Variants in DSG1 observed in about 807,000 individuals in gnomAD.
DSG1 encodes desmoglein-1.
A neutral mutation model predicts 97.5 loss-of-function variants in DSG1; 39 were observed. The observed-to-expected ratio is 0.40, with a 90% confidence interval of 0.31 to 0.52. The LOEUF (loss-of-function observed/expected upper bound fraction) is 0.52, where lower values mean the gene tolerates loss of function less well. DSG1 is among the 20% of genes least tolerant of loss of function. The pLI is 0.53. For missense variants in DSG1, 1,311 were observed against 1,295.4 expected (o/e 1.01, Z -0.18); for synonymous variants, 475 against 443.4 (o/e 1.07, Z -0.90).
chr18:31,354,000 A>G, intron 14 of DSG1: 1 of 350,502 alleles, frequency 2.9e-6, no homozygotes, highest in Admixed American at 4.4e-5. Context: ...CCTCCTCGAA[A>G]CCAATTCATG....
chr18:31,332,539 G>A (rs571313024), intron 6 of DSG1, among the ~76,000 whole-genome samples: 1 of 152,012 alleles, frequency 6.6e-6, no homozygotes, highest in South Asian at 2.1e-4. Context: ...GTGATTTTAT[G>A]ATTTAGTTTT....
rs1321557793 is a variant in DSG1, at chr18:31,353,282, G to A, written c.2101-1015G>A. Among the ~76,000 whole-genome samples the A allele has an allele frequency of 5.3e-5, 8 of 151,166 alleles. 1 individual carries two copies. The South Asian group carries it at 1.1e-3, about 20-fold the overall frequency. On this transcript the variant is annotated intron_variant, in intron 14 of 14. Transcript: ENST00000257192. ...GGGGTGCCTCCCAGTTAGGCTGCTC[G>A]GGGGTCAGGGGTCAGGGACCCACTT...
At chr18:31,345,934 C>G (rs1379673940) in intron 13 of DSG1, 56 bp from the exon 14 acceptor site, 1 of 1,430,592 alleles carries the variant, frequency 7.0e-7, no homozygotes, top group Non-Finnish European at 9.8e-7. Flanking sequence ...CAAGTTGTTA[C>G]TTTTTAGTTT....
At chr18:31,323,171 CTCAG>C (rs1282845880) in intron 1 of DSG1, among the ~76,000 whole-genome samples, 1 of 152,224 alleles carries the variant, frequency 6.6e-6, no homozygotes, top group African/African-American at 2.4e-5. Context: ...CTGAGATATA[CTCAG>C]TCAGCCTGAT....
intron 6 of DSG1, among the ~76,000 whole-genome samples, chr18:31,332,570 A>AT (rs149727989): frequency 0.057 from 8,620 of 152,164 alleles, 377 homozygotes; most frequent in South Asian, 0.13. Context: ...CTTTTTCATT[A>AT]TTTAAAAAAA....
intron 9 of DSG1, among the ~76,000 whole-genome samples, chr18:31,337,571 G>A (rs1309860267): frequency 6.6e-6 from 1 of 152,092 alleles, no homozygotes; most frequent in Non-Finnish European, 1.5e-5. Flanking sequence ...TGTTTTATAA[G>A]TTCTTTCTTG....
chr18:31,338,232 C>G, intron 9 of DSG1, 83 bp from the exon 10 acceptor site: 1 of 1,399,762 alleles, frequency 7.1e-7, no homozygotes, highest in Non-Finnish European at 9.8e-7. Flanking sequence ...TAATTACTCA[C>G]TGAAAAAAAC....
At chr18:31,336,946 G>A (rs529245299) in intron 9 of DSG1, among the ~76,000 whole-genome samples, 2 of 152,276 alleles carry the variant, frequency 1.3e-5, no homozygotes, top group African/African-American at 4.8e-5. Context: ...TTTAAGGAAT[G>A]ATTTTCCGAT....
rs760302802 is a variant in DSG1 at position 31,355,340 on chromosome 18, C to A, written c.3144C>A (p.Ser1048Arg). The A allele has an allele frequency of 1.9e-6, 3 of 1,613,980 alleles. No individual in the cohort carries two copies. In the African/African-American group the frequency reaches 4.0e-5, roughly 22 times the overall value. The stretch of plus-strand genomic sequence containing the variant: ...CAAAGTATAGTACCGTGCAATATAG[C>A]AAGTAGTCAGGACCCCAGCTCACTT... ...RITKYSTVQYSK is the reference protein window; with the variant it reads ...RITKYSTVQYRK The change falls in exon 15 of 15, where the codon AGC (serine) becomes AGA (arginine). Residue 1048 changes from serine to arginine, a missense_variant. By Grantham distance (110) the Ser-to-Arg change is moderately radical. Coordinates refer to ENST00000257192, the MANE Select transcript of DSG1 (RefSeq NM_001942.4).
At position 31,355,174 on chromosome 18, in the gene DSG1, G is replaced by A; in HGVS notation, c.2978G>A (p.Gly993Glu). The A allele has an allele frequency of 6.2e-7, 1 of 1,605,072 alleles. No individual in the cohort carries two copies. The highest frequency in any genetic ancestry group is 1.3e-5 in the African/African-American group (1 of 74,906). The change falls in exon 15 of 15, where the codon GGA (glycine) becomes GAA (glutamate). Residue 993 changes from glycine (G) to glutamate (E), a missense_variant. Transcript: ENST00000257192. Reference protein sequence around the residue: ...SMGAGSGALSGAGISGGGIGL... With the variant: ...SMGAGSGALSEAGISGGGIGL... ...GGTGCTGGGAGCGGTGCCCTGAGTG[G>A]AGCTGGCATAAGTGGTGGTGGCATT...
intron 11 of DSG1, 140 bp from the exon 12 acceptor site, chr18:31,343,310 C>A: frequency 1.7e-6 from 2 of 1,207,460 alleles, no homozygotes; most frequent in Non-Finnish European, 2.4e-6. Context: ...CATCATTCAG[C>A]TTGTATTCTG....
chr18:31,331,826 A>G lies in DSG1; in HGVS notation c.643A>G (p.Thr215Ala). The G allele has an allele frequency of 6.2e-7, 1 of 1,612,764 alleles. No individual in the cohort carries two copies. Among genetic ancestry groups the G allele is most frequent in the Non-Finnish European group, 8.5e-7 (1 of 1,179,044 alleles). The change falls in exon 6 of 15, where the codon ACT becomes GCT. Residue 215 changes from threonine (T) to alanine (A), a missense_variant. Physicochemically the swap from Thr to Ala is moderately conservative, Grantham distance 58 (BLOSUM62 0). Around this residue, in one of 3 missense-constraint regions of DSG1, gnomAD observed 259 missense variants for 304.1 expected, o/e 0.85. Coordinates refer to ENST00000257192, the MANE Select transcript of DSG1 (RefSeq NM_001942.4). ...ACCAATGTTTATTATCAACAGAAAT[A>G]CTGGAGAAATTCGAACGATGAATAA... Reference protein sequence around the residue: ...DSPMFIINRNTGEIRTMNNFL... With the variant: ...DSPMFIINRNAGEIRTMNNFL...
At chr18:31,327,098 C>A in intron 3 of DSG1, 93 bp downstream of exon 3, 1 of 1,495,560 alleles carries the variant, frequency 6.7e-7, no homozygotes, top group Non-Finnish European at 9.3e-7. Flanking sequence ...ACATGTCTCA[C>A]CGAGAAGCTA....
chr18:31,347,810 A>G (rs546161693), intron 14 of DSG1: 7 of 152,180 alleles, frequency 4.6e-5, no homozygotes, highest in South Asian at 2.1e-4. Flanking sequence ...GAATCATCAT[A>G]TTCACTCCAT....
At chr18:31,338,292 G>A (rs199541994) in intron 9 of DSG1, 23 bp from the exon 10 acceptor site, 49 of 1,611,296 alleles carry the variant, frequency 3.0e-5, no homozygotes, top group Admixed American at 1.7e-4. Flanking sequence ...ACATTAATTT[G>A]TATCATTTTC....
rs191137855 is a variant in DSG1, at chr18:31,358,829, G to A, written c.*3483G>A. Among the ~76,000 whole-genome samples the A allele has an allele frequency of 3.3e-5, 5 of 152,070 alleles. No homozygotes were observed. The highest frequency in any genetic ancestry group is 5.9e-5 in the Non-Finnish European group (4 of 67,940). ...TTGCACTAGGATACAGCAGTCCACA[G>A]TAGAGTGCTACTCTCCTTGAAATCA... On this transcript the variant is annotated 3_prime_UTR_variant, in exon 15 of 15. Coordinates refer to ENST00000257192, the MANE Select transcript of DSG1 (RefSeq NM_001942.4).
chr18:31,326,083 CATAA>C (rs547611246), intron 1 of DSG1, among the ~76,000 whole-genome samples: 30 of 151,970 alleles, frequency 2.0e-4, no homozygotes, highest in Admixed American at 1.8e-3. Flanking sequence ...TCATATTGAT[CATAA>C]ATACTTATTT....
intron 6 of DSG1, among the ~76,000 whole-genome samples, chr18:31,333,337 T>G (rs1360806946): frequency 6.6e-6 from 1 of 152,198 alleles, no homozygotes; most frequent in Non-Finnish European, 1.5e-5. Context: ...TATAAACTTT[T>G]TCAACCTCTG....
intron 1 of DSG1, among the ~76,000 whole-genome samples, chr18:31,325,975 T>A (rs1324613444): frequency 6.6e-6 from 1 of 152,094 alleles, no homozygotes; most frequent in Admixed American, 6.5e-5. Flanking sequence ...TAGCTATTAT[T>A]TAACAAATTA....
Sources: gnomAD v4.1 joint callset for allele counts (sites outside exome capture counted in the v4.1 genomes callset) on GRCh38, gnomAD v4.1.1 for gene constraint, gnomAD v4.1.1 regional missense constraint, MANE v1.5 for transcripts, NCBI Gene and HGNC (gene_info 2026-07-23, HGNC 2026-07-21) for gene names.